The following RCHY1 variants were observed in gnomAD, a reference collection of about 807,000 sequenced individuals.
RCHY1 encodes ring finger and CHY zinc finger domain containing 1.
Under a neutral mutation model 41.6 loss-of-function variants are expected in RCHY1, and 21 were observed. The observed-to-expected ratio is 0.51, with a 90% CI of 0.36 to 0.73. The LOEUF is 0.73. Ranked by LOEUF, RCHY1 falls within the 30% of genes least tolerant of loss-of-function variation. The pLI is 0.00. For missense variants in RCHY1, 265 were observed against 325.3 expected, an observed-to-expected ratio of 0.81 and a Z score of 1.43; for synonymous variants, 79 against 102.9, an observed-to-expected ratio of 0.77 and a Z score of 1.41.
chr4:75,498,542 T>C (rs992325533), intron 3 of RCHY1, among the ~76,000 whole-genome samples: 1 of 147,176 alleles, frequency 6.8e-6, no homozygotes, highest in African/African-American at 2.5e-5. Flanking sequence ...CAAAATATAC[T>C]ACAAAGCTAT....
chr4:75,500,879 A>C (rs1210408016), intron 3 of RCHY1, among the ~76,000 whole-genome samples: 10 of 152,258 alleles, frequency 6.6e-5, no homozygotes, highest in African/African-American at 2.4e-4. Flanking sequence ...ACTGATTTTC[A>C]AACAAAAATA....
intron 3 of RCHY1, among the ~76,000 whole-genome samples, chr4:75,497,343 T>C (rs1723309112): frequency 6.6e-6 from 1 of 152,146 alleles, no homozygotes; most frequent in African/African-American, 2.4e-5. Context: ...TAACCTACTC[T>C]AGTACCAATC....
intron 1 of RCHY1, among the ~76,000 whole-genome samples, chr4:75,511,186 TA>T (rs1247219899): frequency 3.9e-5 from 6 of 152,222 alleles, no homozygotes; most frequent in Non-Finnish European, 8.8e-5. Flanking sequence ...TTCAGTGAGT[TA>T]TTTACATCTT....
rs932962669 is a variant in RCHY1, at chr4:75,479,757, T to C, written c.*2781A>G. On this transcript the variant is annotated 3_prime_UTR_variant, in exon 9 of 9. Coordinates refer to ENST00000324439, the MANE Select transcript of RCHY1 (RefSeq NM_015436.4). ...AAAAATAATCCAAATAAACTATAGA[T>C]ACAAATTCTGCGGCAGGGCAACCTA... is the stretch of plus-strand genomic sequence containing the variant. The C allele has an allele frequency of 1.1e-4, 17 of 152,092 alleles. No homozygotes were observed. The highest frequency in any genetic ancestry group is 3.9e-4 in the African/African-American group (16 of 41,432). 9.4% of individuals were successfully genotyped at this position (152,092 alleles called of 1,614,324 possible). A position where few individuals can be genotyped will look rare whatever the true frequency, so the allele number is the denominator to read the frequency against.
intron 8 of RCHY1, among the ~76,000 whole-genome samples, chr4:75,489,250 G>A (rs1722529391): frequency 2.6e-5 from 4 of 152,040 alleles, no homozygotes; most frequent in Non-Finnish European, 2.9e-5. Flanking sequence ...AAAACTTCAC[G>A]TACATTTCTG....
chr4:75,485,522 ATCTTG>A (rs749940306), intron 8 of RCHY1, among the ~76,000 whole-genome samples: 4 of 151,406 alleles, frequency 2.6e-5, no homozygotes, highest in Non-Finnish European at 5.9e-5. Flanking sequence ...GTGACTGGCC[ATCTTG>A]TCTTAACTTT....
chr4:75,504,112 G>A (rs945486612), intron 3 of RCHY1, among the ~76,000 whole-genome samples: 1 of 152,132 alleles, frequency 6.6e-6, no homozygotes, highest in Admixed American at 6.5e-5. Flanking sequence ...TTGAGATCTG[G>A]AATTAGTATT....
At chr4:75,502,610 A>C (rs1240562495) in intron 3 of RCHY1, among the ~76,000 whole-genome samples, 1 of 152,218 alleles carries the variant, frequency 6.6e-6, no homozygotes, top group Non-Finnish European at 1.5e-5. Flanking sequence ...AACTCATTCT[A>C]TTCTGTTTGC....
At chr4:75,499,600 T>G (rs1176172686) in intron 3 of RCHY1, among the ~76,000 whole-genome samples, 1 of 152,230 alleles carries the variant, frequency 6.6e-6, no homozygotes, top group Admixed American at 6.5e-5. Context: ...TTAAAAAGAA[T>G]GAAATCCTGT....
At chr4:75,501,063 G>A (rs1723699716) in intron 3 of RCHY1, among the ~76,000 whole-genome samples, 1 of 152,156 alleles carries the variant, frequency 6.6e-6, no homozygotes, top group Admixed American at 6.5e-5. Flanking sequence ...AGGCTGGAGT[G>A]CAATGGCACG....
At position 75,509,301 on chromosome 4, in the gene RCHY1, C is replaced by T; in HGVS notation, c.91-5G>A. ...AAGCTTGTCACAGCAAGGTGCCTAA[C>T]ACCCACGGAGAAAAAAGAGATATAG... On this transcript the variant is annotated splice_polypyrimidine_tract_variant and splice_region_variant and intron_variant, in intron 1 of 8. Transcript: ENST00000324439. 3.7e-6 allele frequency: 6 copies of T among 1,609,240 alleles called. No homozygotes were observed. The highest frequency in any genetic ancestry group is 2.2e-5 in the East Asian group (1 of 44,822).
At position 75,491,727 on chromosome 4, in the gene RCHY1, T is replaced by C. The variant is rs774120386; in HGVS notation, c.506A>G (p.His169Arg). 1.1e-5 allele frequency: 17 copies of C among 1,612,262 alleles called. No homozygotes were observed. Among genetic ancestry groups the C allele is most frequent in the South Asian group, 2.2e-5 (2 of 90,904 alleles). ...AHVLPCGHLL[H>R]RTCYEEMLKE... is the part of the protein sequence containing the mutation. ...TGAGAAAAAGATGTTACTTTACCTA[T>C]GTAAAAGATGTCCACATGGCAAGAC... is the stretch of plus-strand genomic sequence containing the variant. The change falls in exon 6 of 9, where the codon CAT becomes CGT. Residue 169 changes from histidine (H) to arginine (R), a missense_variant. Coordinates refer to ENST00000324439, the MANE Select transcript of RCHY1 (RefSeq NM_015436.4).
In RCHY1 at chr4:75,487,824, AAT is replaced by A. The variant is rs1288170597; in HGVS notation, c.657+2755_657+2756del. Among the ~76,000 whole-genome samples the A allele has an allele frequency of 5.3e-4, 29 of 54,542 alleles. 1 individual carries two copies. Among genetic ancestry groups the A allele is most frequent in the African/African-American group, 8.6e-4 (13 of 15,142 alleles). 35.8% of individuals were successfully genotyped at this position (54,542 alleles called of 152,430 possible). A position where few individuals can be genotyped will look rare whatever the true frequency, so the allele number is the denominator to read the frequency against. On this transcript the variant is annotated intron_variant, in intron 8 of 8. Coordinates refer to ENST00000324439, the MANE Select transcript of RCHY1 (RefSeq NM_015436.4). ...ATATATATTCATAATATATATTCAT[AAT>A]ATATATATTCATAATATATATTCAT...
At chr4:75,487,307 A>C (rs1722105826) in intron 8 of RCHY1, among the ~76,000 whole-genome samples, 1 of 151,254 alleles carries the variant, frequency 6.6e-6, no homozygotes, top group South Asian at 2.1e-4. Flanking sequence ...TAAAAAGAGG[A>C]GACAAGGGGA....
chr4:75,488,902 C>G (rs1421803491), intron 8 of RCHY1, among the ~76,000 whole-genome samples: 1 of 152,110 alleles, frequency 6.6e-6, no homozygotes, highest in East Asian at 1.9e-4. Flanking sequence ...TGGCGAAACA[C>G]CGACTCTACT....
chr4:75,511,545 C>A (rs952144031), intron 1 of RCHY1, among the ~76,000 whole-genome samples: 2 of 152,130 alleles, frequency 1.3e-5, no homozygotes, highest in African/African-American at 4.8e-5. Context: ...AGAGCTTTTC[C>A]TCAAGACAAC....
intron 3 of RCHY1, among the ~76,000 whole-genome samples, chr4:75,505,003 C>T (rs906118457): frequency 5.9e-5 from 9 of 152,218 alleles, no homozygotes; most frequent in Middle Eastern, 3.4e-3. Flanking sequence ...ACTGTATATA[C>T]GGCAGCGGTC....
rs528575286 is a variant in RCHY1 at position 75,498,501 on chromosome 4, A to G, written c.327-4322T>C. Among the ~76,000 whole-genome samples the G allele has an allele frequency of 2.2e-3, 321 of 148,852 alleles. 3 individuals carry two copies. The highest frequency in any genetic ancestry group is 0.018 in the Admixed American group (271 of 14,934). ...CTGAGCAAAAAAAAAAAAAAAAAAC[A>G]TAACTGGAGAGGCTTCACACTACCT... On this transcript the variant is annotated intron_variant, in intron 3 of 8. Coordinates refer to ENST00000324439, the MANE Select transcript of RCHY1 (RefSeq NM_015436.4).
intron 1 of RCHY1, chr4:75,509,517 C>T: frequency 2.3e-6 from 1 of 433,974 alleles, no homozygotes; most frequent in Non-Finnish European, 4.1e-6. Flanking sequence ...TGAAGTTGAA[C>T]ACAACTTTAA....
Sources: gnomAD v4.1 joint callset for allele counts (sites outside exome capture counted in the v4.1 genomes callset) on GRCh38, gnomAD v4.1.1 for gene constraint, MANE v1.5 for transcripts, NCBI Gene and HGNC (gene_info 2026-07-23, HGNC 2026-07-21) for gene names.